The following SPAST variants were observed in gnomAD, a reference collection of about 807,000 sequenced individuals.
SPAST encodes spastin, also known as spastic paraplegia 4 (autosomal dominant; spastin).
Under a neutral mutation model 76.6 loss-of-function variants are expected in SPAST, and 30 were observed. The ratio of observed to expected loss-of-function variants is 0.39; its 90% CI spans 0.29 to 0.53. The LOEUF is 0.53. SPAST is among the 20% of genes least tolerant of loss of function. The pLI is 0.68. For missense variants in SPAST, 717 were observed against 770.5 expected (o/e 0.93, Z 0.82); for synonymous variants, 305 against 281.0 (o/e 1.09, Z -0.86).
intron 3 of SPAST, among the ~76,000 whole-genome samples, chr2:32,095,078 G>C (rs1216594588): frequency 6.6e-6 from 1 of 152,198 alleles, no homozygotes; most frequent in East Asian, 1.9e-4. Flanking sequence ...GTAGAACCAG[G>C]GAGAGCAATT....
At chr2:32,103,739 A>G (rs1003344548) in intron 4 of SPAST, among the ~76,000 whole-genome samples, 5 of 152,188 alleles carry the variant, frequency 3.3e-5, no homozygotes, top group Admixed American at 3.3e-4. Flanking sequence ...GTAGTCATTC[A>G]GGAGCAGGTT....
chr2:32,112,425 G>A (rs985619335), intron 4 of SPAST, among the ~76,000 whole-genome samples: 31 of 140,934 alleles, frequency 2.2e-4, no homozygotes, highest in East Asian at 1.2e-3. Flanking sequence ...TTGGCTCACC[G>A]CAATCTCTGC....
intron 12 of SPAST, 141 bp from the exon 13 acceptor site, chr2:32,141,763 C>A: frequency 3.0e-6 from 2 of 667,134 alleles, no homozygotes; most frequent in South Asian, 1.9e-5. Context: ...AAAAGAGTAA[C>A]AAAAATATTT....
intron 1 of SPAST, among the ~76,000 whole-genome samples, chr2:32,085,151 A>G (rs115487271): frequency 5.4e-4 from 82 of 151,704 alleles, no homozygotes; most frequent in African/African-American, 1.6e-3. Context: ...TGAGCATCCA[A>G]ATAATTTTAG....
At position 32,154,610 on chromosome 2, in the gene SPAST, T is replaced by C; in HGVS notation, c.*114T>C. On this transcript the variant is annotated 3_prime_UTR_variant, in exon 17 of 17. Transcript: ENST00000315285. ...TAAGTTTACAGGACTTTTTAGAGTC[T>C]TACATATTTGTGCACCAAACTTGAA... 1.9e-6 allele frequency: 2 copies of C among 1,065,086 alleles called. No individual in the cohort carries two copies. The highest frequency in any genetic ancestry group is 4.0e-5 in the Admixed American group (2 of 49,564). 66.0% of individuals were successfully genotyped at this position (1,065,086 alleles called of 1,614,324 possible).
rs148953003 is a variant in SPAST at position 32,117,274 on chromosome 2, A to G, written c.1098+1062A>G. ...CTCAAAAAAATAAATAAAAATTTAAAAAGATAAATACATAAAAATAAATAA... is the reference window on the plus strand; with the variant it reads ...CTCAAAAAAATAAATAAAAATTTAAGAAGATAAATACATAAAAATAAATAA... On this transcript the variant is annotated intron_variant, in intron 7 of 16. Transcript: ENST00000315285. Among the ~76,000 whole-genome samples the G allele has an allele frequency of 8.6e-3, 1,315 of 152,102 alleles. 11 individuals are homozygous for G. Among genetic ancestry groups the G allele is most frequent in the Middle Eastern group, 0.044 (13 of 294 alleles).
intron 1 of SPAST, among the ~76,000 whole-genome samples, chr2:32,083,776 A>ATATATATATT (rs1553398791): frequency 2.2e-5 from 1 of 46,090 alleles, no homozygotes; most frequent in Non-Finnish European, 3.7e-5. Context: ...ATATATATAT[A>ATATATATATT]TTTTTTTTTT....
rs918157603 is a variant in SPAST at position 32,109,821 on chromosome 2, T to C, written c.683-4817T>C. Among the ~76,000 whole-genome samples, 7 of 149,128 alleles carry C rather than the reference T, an allele frequency of 4.7e-5. No individual in the cohort carries two copies. The South Asian group carries it at 1.0e-3, about 22-fold the overall frequency. Reference sequence around the variant, plus strand: ...TTACATATGTATACACACATACATATATAGTTACATATGTATATGCATATA... The same window carrying C: ...TTACATATGTATACACACATACATACATAGTTACATATGTATATGCATATA... On this transcript the variant is annotated intron_variant, in intron 4 of 16. Coordinates refer to ENST00000315285, the MANE Select transcript of SPAST (RefSeq NM_014946.4).
chr2:32,085,855 A>G (rs972393343), intron 1 of SPAST, among the ~76,000 whole-genome samples: 1 of 152,010 alleles, frequency 6.6e-6, no homozygotes, highest in Non-Finnish European at 1.5e-5. Context: ...TATCCTGAAC[A>G]ACATGGTGAA....
chr2:32,125,919 T>C (rs965189070), intron 7 of SPAST, among the ~76,000 whole-genome samples: 40 of 152,194 alleles, frequency 2.6e-4, no homozygotes, highest in African/African-American at 9.1e-4. Context: ...CTCAGCCTCC[T>C]GAGTAGCTGG....
chr2:32,082,979 A>AT (rs575438245), intron 1 of SPAST, among the ~76,000 whole-genome samples: 72 of 149,386 alleles, frequency 4.8e-4, no homozygotes, highest in African/African-American at 1.2e-3. Context: ...TAATTAATTA[A>AT]TTTTTTTTTT....
At chr2:32,147,796 T>A (rs1679945138) in intron 16 of SPAST, among the ~76,000 whole-genome samples, 1 of 151,806 alleles carries the variant, frequency 6.6e-6, no homozygotes, top group Non-Finnish European at 1.5e-5. Flanking sequence ...CACGCCTGGC[T>A]AATTTTTTGT....
chr2:32,129,304 C>G (rs936238042), intron 9 of SPAST: 2 of 150,112 alleles, frequency 1.3e-5, no homozygotes, highest in Non-Finnish European at 3.0e-5. Flanking sequence ...TGCCAGGCTA[C>G]TTTCAAATTC....
chr2:32,116,583 C>T (rs1032919987), intron 7 of SPAST, among the ~76,000 whole-genome samples: 6 of 152,174 alleles, frequency 3.9e-5, no homozygotes, highest in African/African-American at 1.4e-4. Context: ...TCTCCTGCCT[C>T]AGCCTCCCAA....
intron 4 of SPAST, among the ~76,000 whole-genome samples, chr2:32,107,468 G>A (rs1402617467): frequency 6.6e-6 from 1 of 152,002 alleles, no homozygotes; most frequent in African/African-American, 2.4e-5. Flanking sequence ...GGTCAAGCTA[G>A]TCTGAGACTC....
chr2:32,063,722 G>A lies in SPAST; in HGVS notation c.-110G>A, dbSNP rs949004813. ...GCAGTGCGGAGCTCCTGAGACCGGCGGGCACACGGGGGTCTGTGGCCCCCG... is the reference window on the plus strand; with the variant it reads ...GCAGTGCGGAGCTCCTGAGACCGGCAGGCACACGGGGGTCTGTGGCCCCCG... On this transcript the variant is annotated 5_prime_UTR_variant, in exon 1 of 17. Coordinates refer to ENST00000315285, the MANE Select transcript of SPAST (RefSeq NM_014946.4). 151 of 1,425,664 alleles carry A rather than the reference G, an allele frequency of 1.1e-4. 1 individual carries two copies. The highest frequency in any genetic ancestry group is 9.9e-4 in the Middle Eastern group (4 of 4,048). The allele number at this position is 1,425,664 out of a possible 1,614,324, so 88.3% of individuals were successfully genotyped here.
In SPAST at chr2:32,064,171, G is replaced by A. The variant is rs1553394608; in HGVS notation, c.340G>A (p.Glu114Lys). 6.4e-7 allele frequency: 1 copy of A among 1,551,290 alleles called. No individual in the cohort carries two copies. Among genetic ancestry groups the A allele is most frequent in the Non-Finnish European group, 8.7e-7 (1 of 1,148,130 alleles). The change falls in exon 1 of 17, where the codon GAG becomes AAG. Residue 114 changes from glutamate to lysine, a missense_variant. By Grantham distance (56) the Glu-to-Lys change is moderately conservative. This residue lies in a region of SPAST where 543 missense variants were observed against 445.2 expected (regional missense o/e 1.22). Coordinates refer to ENST00000315285, the MANE Select transcript of SPAST (RefSeq NM_014946.4). ...APAPVPGGEA[E>K]RVRVFHKQAF... is the part of the protein sequence containing the mutation. ...GGCGCCGGTGCCGGGCGGCGAGGCC[G>A]AGCGCGTCCGAGTCTTCCACAAACA...
intron 13 of SPAST, among the ~76,000 whole-genome samples, chr2:32,142,936 T>G (rs1429007069): frequency 6.6e-6 from 1 of 152,118 alleles, no homozygotes. Context: ...AGCAAAATAT[T>G]TATTGCTATG....
chr2:32,136,968 T>G lies in SPAST; in HGVS notation c.1413T>G (p.Gly471=). ...LKTEFLIEFD[G]VQSAGDDRVL... The stretch of plus-strand genomic sequence containing the variant: ...CTGAATTTCTAATAGAATTTGATGG[T>G]GTAAGTGTTGATTATGATATTTTTA... Residue 471 remains glycine, a splice_region_variant and synonymous_variant, in exon 11 of 17, where the codon GGT becomes GGG. Coordinates refer to ENST00000315285, the MANE Select transcript of SPAST (RefSeq NM_014946.4). The G allele has an allele frequency of 6.2e-7, 1 of 1,607,676 alleles. No homozygotes were observed.
Sources: gnomAD v4.1 joint callset for allele counts (sites outside exome capture counted in the v4.1 genomes callset) on GRCh38, gnomAD v4.1.1 for gene constraint, gnomAD v4.1.1 regional missense constraint, MANE v1.5 for transcripts, NCBI Gene and HGNC (gene_info 2026-07-23, HGNC 2026-07-21) for gene names.